The following CCNY variants were observed in gnomAD, a reference collection of about 807,000 sequenced individuals.
CCNY encodes cyclin-Y.
CCNY carries 19 observed loss-of-function variants against 42.8 expected under a neutral mutation model. The ratio of observed to expected loss-of-function variants is 0.44; its 90% CI spans 0.31 to 0.65. The LOEUF (loss-of-function observed/expected upper bound fraction) is 0.65. Ranked by LOEUF, CCNY falls within the 30% of genes least tolerant of loss-of-function variation. The probability of loss-of-function intolerance (pLI) is 0.07; values close to 1 mark genes in which losing one functional copy is unlikely to be tolerated. For synonymous variants in CCNY, 165 were observed against 162.7 expected (o/e 1.01, Z -0.11); for missense variants, 370 against 437.3 (o/e 0.85, Z 1.37).
At chr10:35,546,297 A>T (rs1415026160) in intron 7 of CCNY, among the ~76,000 whole-genome samples, 2 of 152,220 alleles carry the variant, frequency 1.3e-5, no homozygotes, top group Non-Finnish European at 2.9e-5. Context: ...ATATATCCTC[A>T]ATTCCACAAG....
chr10:35,482,867 A>G (rs771061198), intron 1 of CCNY, among the ~76,000 whole-genome samples: 31 of 151,950 alleles, frequency 2.0e-4, no homozygotes, highest in Non-Finnish European at 2.8e-4. Context: ...TAGGGATCAA[A>G]CAAAACATGT....
chr10:35,266,224 T>C (rs12413630), intron 3 of CCNY, among the ~76,000 whole-genome samples: 29,345 of 149,420 alleles, frequency 0.2, 2,955 homozygotes, highest in East Asian at 0.24. Context: ...ATTACAGGCA[T>C]GCGCTACCAT....
chr10:35,337,428 G>A (rs960605005), intron 1 of CCNY, among the ~76,000 whole-genome samples: 4 of 152,214 alleles, frequency 2.6e-5, no homozygotes, highest in African/African-American at 9.6e-5. Context: ...TTGCAGGCCC[G>A]CGGCATCGAG....
intron 3 of CCNY, among the ~76,000 whole-genome samples, chr10:35,273,435 C>T (rs552121779): frequency 6.6e-6 from 1 of 152,186 alleles, no homozygotes; most frequent in East Asian, 1.9e-4. Context: ...GAACTCCTGA[C>T]CTCAAGTGAT....
intron 8 of CCNY, among the ~76,000 whole-genome samples, chr10:35,565,370 A>G (rs1200643513): frequency 2.0e-5 from 3 of 152,134 alleles, no homozygotes; most frequent in Non-Finnish European, 2.9e-5. Context: ...TGATCCCCAC[A>G]GTGTGAAGGT....
chr10:35,556,041 A>G (rs1841356545), intron 8 of CCNY, among the ~76,000 whole-genome samples: 1 of 152,200 alleles, frequency 6.6e-6, no homozygotes, highest in Non-Finnish European at 1.5e-5. Context: ...ATTTTGTCCA[A>G]AGAAAATTGA....
intron 1 of CCNY, among the ~76,000 whole-genome samples, chr10:35,414,050 T>C (rs1254953378): frequency 6.6e-6 from 1 of 152,216 alleles, no homozygotes; most frequent in Admixed American, 6.5e-5. Flanking sequence ...AGGGTTTTTC[T>C]AGGCTAAAAA....
intron 1 of CCNY, among the ~76,000 whole-genome samples, chr10:35,445,505 A>G (rs1838772432): frequency 6.6e-6 from 1 of 152,238 alleles, no homozygotes; most frequent in South Asian, 2.1e-4. Context: ...GAAGACTGTT[A>G]GAGCTGGAAT....
In CCNY at chr10:35,365,516, T is replaced by G. The variant is rs112478288; in HGVS notation, c.154+28309T>G. 3.4e-3 allele frequency among the ~76,000 whole-genome samples: 512 copies of G among 152,350 alleles called. 4 individuals carry two copies. Among genetic ancestry groups the G allele is most frequent in the African/African-American group, 0.012 (482 of 41,586 alleles). Reference sequence around the variant, plus strand: ...GAATAAACAGCAAGAGCTAAAGTTCTCATTTATTTGTATGTTACCTGCTCC... The same window carrying G: ...GAATAAACAGCAAGAGCTAAAGTTCGCATTTATTTGTATGTTACCTGCTCC... On this transcript the variant is annotated intron_variant, in intron 1 of 9. Transcript: ENST00000374704.
chr10:35,249,735 G>A (rs12783298), intron 2 of CCNY, among the ~76,000 whole-genome samples: 2,831 of 152,198 alleles, frequency 0.019, 40 homozygotes, highest in Non-Finnish European at 0.029. Flanking sequence ...AAATAACCTC[G>A]CAGCTTTGAA....
intron 2 of CCNY, among the ~76,000 whole-genome samples, chr10:35,490,433 C>T (rs1839872821): frequency 6.6e-6 from 1 of 152,232 alleles, no homozygotes; most frequent in African/African-American, 2.4e-5. Flanking sequence ...CCATGGCTGC[C>T]TTTGTGCTTC....
chr10:35,327,517 A>G (rs1041652050), intron 3 of CCNY, among the ~76,000 whole-genome samples: 1 of 152,222 alleles, frequency 6.6e-6, no homozygotes, highest in African/African-American at 2.4e-5. Context: ...TTTTAAAAAA[A>G]TCAGTAATAT....
At chr10:35,317,362 G>T (rs1245045177) in intron 3 of CCNY, among the ~76,000 whole-genome samples, 2 of 152,192 alleles carry the variant, frequency 1.3e-5, no homozygotes, top group African/African-American at 2.4e-5. Context: ...GCAGTGAACA[G>T]ATCTAAGTGC....
intron 3 of CCNY, among the ~76,000 whole-genome samples, chr10:35,270,886 C>T (rs12255465): frequency 0.02 from 2,992 of 151,760 alleles, 53 homozygotes; most frequent in African/African-American, 0.045. Flanking sequence ...CCACCACACC[C>T]GGCTAATTTT....
At chr10:35,256,744 TAA>T (rs199594072) in intron 3 of CCNY, among the ~76,000 whole-genome samples, 38 of 107,604 alleles carry the variant, frequency 3.5e-4, no homozygotes, top group Middle Eastern at 4.5e-3. Flanking sequence ...AATAAAACAT[TAA>T]AAAAAAAAAA....
chr10:35,550,195 A>G (rs899929248), intron 7 of CCNY, among the ~76,000 whole-genome samples: 1 of 141,068 alleles, frequency 7.1e-6, no homozygotes, highest in African/African-American at 2.7e-5. Flanking sequence ...ATGACACATG[A>G]CCCTACAGTG....
At chr10:35,312,998 G>A (rs1373843568) in intron 3 of CCNY, among the ~76,000 whole-genome samples, 2 of 151,996 alleles carry the variant, frequency 1.3e-5, no homozygotes, top group Admixed American at 6.6e-5. Flanking sequence ...CATTAAAAGT[G>A]CCTTGGACTG....
intron 1 of CCNY, among the ~76,000 whole-genome samples, chr10:35,474,583 G>A (rs1839464317): frequency 6.6e-6 from 1 of 151,978 alleles, no homozygotes; most frequent in African/African-American, 2.4e-5. Flanking sequence ...TGCAGCTGAG[G>A]GTCCTGTCTG....
upstream of CCNY, chr10:35,336,178 C>A (rs1200267651): frequency 6.6e-6 from 1 of 152,202 alleles, no homozygotes; most frequent in Non-Finnish European, 1.5e-5. Flanking sequence ...CCCGACCGGG[C>A]CCTGGCTGCG....
Sources: gnomAD v4.1 joint callset for allele counts (sites outside exome capture counted in the v4.1 genomes callset) on GRCh38, gnomAD v4.1.1 for gene constraint, MANE v1.5 for transcripts, NCBI Gene and HGNC (gene_info 2026-07-23, HGNC 2026-07-21) for gene names.